The following NLGN1 variants were observed in gnomAD, a reference collection of about 807,000 sequenced individuals.
NLGN1 encodes neuroligin 1.
A neutral mutation model predicts 65.5 loss-of-function variants in NLGN1; 12 were observed. The ratio of observed to expected loss-of-function variants is 0.18; its 90% CI spans 0.12 to 0.30. NLGN1 has a LOEUF of 0.30. NLGN1 is among the 10% of genes least tolerant of loss of function. The probability of loss-of-function intolerance (pLI) is 1.00; values close to 1 mark genes in which losing one functional copy is unlikely to be tolerated. For missense variants in NLGN1, 750 were observed against 1,007.1 expected, an observed-to-expected ratio of 0.74 and a Z score of 3.46; for synonymous variants, 350 against 359.5, an observed-to-expected ratio of 0.97 and a Z score of 0.30.
At chr3:173,746,545 C>T (rs574105607) in intron 3 of NLGN1, among the ~76,000 whole-genome samples, 7 of 150,830 alleles carry the variant, frequency 4.6e-5, no homozygotes, top group Non-Finnish European at 8.8e-5. Flanking sequence ...AGTCAGAATT[C>T]GAGTCTGAGT....
At chr3:173,985,358 C>T (rs1270853008) in intron 4 of NLGN1, among the ~76,000 whole-genome samples, 1 of 152,176 alleles carries the variant, frequency 6.6e-6, no homozygotes, top group African/African-American at 2.4e-5. Context: ...CACCTTCTCA[C>T]TCCATCCAGG....
intron 4 of NLGN1, among the ~76,000 whole-genome samples, chr3:174,064,749 A>T (rs1321281074): frequency 6.6e-6 from 1 of 150,820 alleles, no homozygotes; most frequent in East Asian, 1.9e-4. Context: ...AATAATAAAA[A>T]GGTTAGAAGT....
intron 2 of NLGN1, among the ~76,000 whole-genome samples, chr3:173,464,876 G>C (rs1667770): frequency 0.79 from 120,304 of 151,546 alleles, 48,726 homozygotes; most frequent in East Asian, 0.97. Context: ...ATTTTTTTTT[G>C]TGGACTATTT....
intron 2 of NLGN1, among the ~76,000 whole-genome samples, chr3:173,459,688 A>C (rs892478176): frequency 1.2e-4 from 19 of 152,122 alleles, no homozygotes; most frequent in African/African-American, 4.6e-4. Flanking sequence ...ATGCAAAATA[A>C]AACTATTGCC....
chr3:174,060,363 A>G (rs1204616172), intron 4 of NLGN1, among the ~76,000 whole-genome samples: 2 of 151,940 alleles, frequency 1.3e-5, no homozygotes, highest in African/African-American at 4.8e-5. Flanking sequence ...GAGGAAGAAG[A>G]AGGACAGGAA....
At chr3:174,230,920 T>A (rs1740588264) in intron 4 of NLGN1, among the ~76,000 whole-genome samples, 2 of 152,228 alleles carry the variant, frequency 1.3e-5, no homozygotes, top group African/African-American at 4.8e-5. Context: ...GTTCAAATGA[T>A]AATTTTGAAT....
At chr3:174,078,101 C>A (rs1422406841) in intron 4 of NLGN1, among the ~76,000 whole-genome samples, 1 of 151,986 alleles carries the variant, frequency 6.6e-6, no homozygotes, top group Non-Finnish European at 1.5e-5. Flanking sequence ...TAGAATATTT[C>A]AAAAACCATA....
intron 4 of NLGN1, among the ~76,000 whole-genome samples, chr3:173,953,083 A>C (rs1748539809): frequency 6.6e-6 from 1 of 152,086 alleles, no homozygotes; most frequent in Non-Finnish European, 1.5e-5. Context: ...TCAGCCCTAA[A>C]ATTTACTTTT....
At chr3:173,548,772 T>C (rs1314022162) in intron 2 of NLGN1, among the ~76,000 whole-genome samples, 1 of 151,900 alleles carries the variant, frequency 6.6e-6, no homozygotes, top group Non-Finnish European at 1.5e-5. Flanking sequence ...TATATTTATA[T>C]ATATGAAAGT....
chr3:173,753,843 A>T (rs1489257194), intron 3 of NLGN1, among the ~76,000 whole-genome samples: 1 of 151,376 alleles, frequency 6.6e-6, no homozygotes, highest in South Asian at 2.1e-4. Context: ...CTGTCTTCTC[A>T]TTCTACCTCA....
intron 4 of NLGN1, among the ~76,000 whole-genome samples, chr3:174,181,776 A>AAACACACACAC (rs1280238809): frequency 2.5e-5 from 2 of 78,516 alleles, no homozygotes; most frequent in African/African-American, 1.3e-4. Context: ...AAAAAATAAA[A>AAACACACACAC]ATACACACAC....
intron 4 of NLGN1, among the ~76,000 whole-genome samples, chr3:173,934,207 C>T (rs1417385996): frequency 1.3e-5 from 2 of 148,482 alleles, no homozygotes; most frequent in South Asian, 2.1e-4. Context: ...TAAAAAAACA[C>T]GAATATCTAA....
intron 4 of NLGN1, among the ~76,000 whole-genome samples, chr3:174,095,556 GTGTA>G (rs927315951): frequency 6.0e-5 from 9 of 151,250 alleles, no homozygotes; most frequent in East Asian, 1.9e-4. Context: ...TATAAAACGT[GTGTA>G]TGTATGTATG....
At chr3:173,823,712 C>A (rs1466990149) in intron 4 of NLGN1, among the ~76,000 whole-genome samples, 1 of 152,006 alleles carries the variant, frequency 6.6e-6, no homozygotes, top group African/African-American at 2.4e-5. Flanking sequence ...CCAGGTCAGA[C>A]AACACACAGT....
chr3:173,837,786 ATAAC>A (rs1396670810), intron 4 of NLGN1, among the ~76,000 whole-genome samples: 12 of 152,344 alleles, frequency 7.9e-5, no homozygotes, highest in East Asian at 3.9e-4. Context: ...ATATAAAAGA[ATAAC>A]TAGCCAAAAT....
chr3:173,572,625 A>G (rs1055180495), intron 2 of NLGN1, among the ~76,000 whole-genome samples: 3 of 152,174 alleles, frequency 2.0e-5, no homozygotes, highest in Non-Finnish European at 4.4e-5. Context: ...TGGTGCTTCT[A>G]GTTACACCTT....
chr3:174,097,862 A>G (rs1745824617), intron 4 of NLGN1, among the ~76,000 whole-genome samples: 1 of 152,142 alleles, frequency 6.6e-6, no homozygotes, highest in Non-Finnish European at 1.5e-5. Flanking sequence ...AGTTCACCCT[A>G]AGAAGGTAGT....
chr3:173,705,616 G>A (rs1018047405), intron 3 of NLGN1, among the ~76,000 whole-genome samples: 2 of 152,150 alleles, frequency 1.3e-5, no homozygotes, highest in African/African-American at 2.4e-5. Context: ...GAAAAGAGAT[G>A]AGGAAAATAG....
intron 4 of NLGN1, among the ~76,000 whole-genome samples, chr3:174,005,673 G>GTT (rs143523500): frequency 0.014 from 2,147 of 151,290 alleles, 63 homozygotes; most frequent in African/African-American, 0.05. Context: ...AGTTGCTAAG[G>GTT]TTTTTCTTGC....
Sources: gnomAD v4.1 joint callset for allele counts (sites outside exome capture counted in the v4.1 genomes callset) on GRCh38, gnomAD v4.1.1 for gene constraint, MANE v1.5 for transcripts, NCBI Gene and HGNC (gene_info 2026-07-23, HGNC 2026-07-21) for gene names.